AIG1: variants seen among roughly 807,000 people sequenced by gnomAD.
AIG1 encodes the protein androgen-induced gene 1 protein.
AIG1 carries 23 observed loss-of-function variants against 31.4 expected under a neutral mutation model. The ratio of observed to expected loss-of-function variants is 0.73; its 90% CI spans 0.53 to 1.04. AIG1 has a LOEUF of 1.04. Ranked by LOEUF, AIG1 falls within the 50% of genes least tolerant of loss-of-function variation. The pLI is 0.00. For synonymous variants in AIG1, 100 were observed against 110.5 expected, an observed-to-expected ratio of 0.90 and a Z score of 0.60; for missense variants, 274 against 295.0, an observed-to-expected ratio of 0.93 and a Z score of 0.52.
rs1783786591 is a variant in AIG1 at position 143,136,699 on chromosome 6, C to G, written c.142-136C>G. The G allele has an allele frequency of 7.2e-6, 6 of 833,434 alleles. No individual in the cohort carries two copies. In the Admixed American group the frequency reaches 1.9e-4, roughly 26 times the overall value. 51.6% of individuals were successfully genotyped at this position (833,434 alleles called of 1,614,324 possible). A position where few individuals can be genotyped will look rare whatever the true frequency, so the allele number is the denominator to read the frequency against. ...AGTTGTAAATGTCTGTTCTCTATTTCTAGGAGCAGCTCTTTAAAATATGCT... is the reference window on the plus strand; with the variant it reads ...AGTTGTAAATGTCTGTTCTCTATTTGTAGGAGCAGCTCTTTAAAATATGCT... On this transcript the variant is annotated intron_variant, in intron 1 of 5. Coordinates refer to ENST00000357847, the MANE Select transcript of AIG1 (RefSeq NM_016108.4).
At chr6:143,127,180 T>G (rs1010812735) in intron 1 of AIG1, among the ~76,000 whole-genome samples, 2 of 152,178 alleles carry the variant, frequency 1.3e-5, no homozygotes, top group African/African-American at 4.8e-5. Flanking sequence ...CCTTATCATT[T>G]CCCCTTTAAT....
intron 4 of AIG1, among the ~76,000 whole-genome samples, chr6:143,332,506 GA>G (rs1192777145): frequency 2.0e-5 from 3 of 152,018 alleles, no homozygotes; most frequent in African/African-American, 4.8e-5. Flanking sequence ...TGTAAAATAG[GA>G]AAAAAAATGA....
intron 1 of AIG1, among the ~76,000 whole-genome samples, chr6:143,118,498 T>G (rs555093457): frequency 1.3e-5 from 2 of 152,122 alleles, no homozygotes; most frequent in South Asian, 2.1e-4. Context: ...GTGTACATTA[T>G]GTACAGCATG....
chr6:143,269,765 GGCAAAACTGA>G (rs1796379905), intron 3 of AIG1, among the ~76,000 whole-genome samples: 1 of 152,120 alleles, frequency 6.6e-6, no homozygotes, highest in African/African-American at 2.4e-5. Context: ...TGTAAACATC[GGCAAAACTGA>G]TGTATGGTGT....
chr6:143,308,572 G>A (rs932080433), intron 4 of AIG1, among the ~76,000 whole-genome samples: 4 of 152,188 alleles, frequency 2.6e-5, no homozygotes, highest in Non-Finnish European at 4.4e-5. Flanking sequence ...TGGGGGCTTT[G>A]TTATGCTGTC....
chr6:143,151,632 T>C (rs1284109709), intron 2 of AIG1, among the ~76,000 whole-genome samples: 1 of 152,218 alleles, frequency 6.6e-6, no homozygotes, highest in African/African-American at 2.4e-5. Context: ...TCTGTTTTGT[T>C]AGTCTATTTT....
At chr6:143,225,150 C>T (rs1792848156) in intron 3 of AIG1, among the ~76,000 whole-genome samples, 1 of 152,190 alleles carries the variant, frequency 6.6e-6, no homozygotes, top group Non-Finnish European at 1.5e-5. Flanking sequence ...CTGTCTCTGC[C>T]TGTTCAAATC....
At chr6:143,186,972 C>A (rs1032042938) in intron 3 of AIG1, among the ~76,000 whole-genome samples, 4 of 152,268 alleles carry the variant, frequency 2.6e-5, no homozygotes, top group African/African-American at 9.6e-5. Flanking sequence ...ATAAATAAAA[C>A]AAAATTAAAC....
chr6:143,065,194 C>A (rs1211867329), intron 1 of AIG1, among the ~76,000 whole-genome samples: 6 of 152,210 alleles, frequency 3.9e-5, no homozygotes. Flanking sequence ...TTGCCCCAGA[C>A]TTCTTGGCTC....
At chr6:143,260,180 C>T (rs9496545) in intron 3 of AIG1, among the ~76,000 whole-genome samples, 7,495 of 152,078 alleles carry the variant, frequency 0.049, 594 homozygotes, top group African/African-American at 0.17. Flanking sequence ...CCCACCACCA[C>T]GCCTGGTTAA....
chr6:143,187,542 C>T (rs2128592495), intron 3 of AIG1: 1 of 1,535,944 alleles, frequency 6.5e-7, no homozygotes, highest in Non-Finnish European at 8.7e-7. Context: ...ACTGGGTAGG[C>T]CTGTAATATT....
At chr6:143,068,167 C>T (rs551440071) in intron 1 of AIG1, among the ~76,000 whole-genome samples, 3 of 152,338 alleles carry the variant, frequency 2.0e-5, no homozygotes, top group Non-Finnish European at 2.9e-5. Flanking sequence ...GCCATTCCCC[C>T]ATGTCTGGTA....
At chr6:143,319,836 C>CA (rs967391144) in intron 4 of AIG1, among the ~76,000 whole-genome samples, 3 of 151,276 alleles carry the variant, frequency 2.0e-5, no homozygotes, top group African/African-American at 4.9e-5. Flanking sequence ...GATTATATGC[C>CA]AAAAAACAGG....
intron 1 of AIG1, among the ~76,000 whole-genome samples, chr6:143,127,869 G>T (rs1782830388): frequency 6.6e-6 from 1 of 152,024 alleles, no homozygotes; most frequent in Admixed American, 6.6e-5. Context: ...TGTATTTTTA[G>T]TAGAGATGGA....
chr6:143,303,545 G>A (rs567976454), intron 4 of AIG1, among the ~76,000 whole-genome samples: 5 of 152,198 alleles, frequency 3.3e-5, no homozygotes, highest in South Asian at 2.1e-4. Context: ...TAGATATGTG[G>A]CATTATTTCT....
chr6:143,102,007 G>A (rs1260176730), intron 1 of AIG1, among the ~76,000 whole-genome samples: 3 of 152,064 alleles, frequency 2.0e-5, no homozygotes, highest in African/African-American at 2.4e-5. Context: ...AGCAAAGTTT[G>A]GGAAACAGAC....
chr6:143,075,086 C>T (rs1462889665), intron 1 of AIG1, among the ~76,000 whole-genome samples: 1 of 152,160 alleles, frequency 6.6e-6, no homozygotes, highest in Non-Finnish European at 1.5e-5. Context: ...TCAATTTCAT[C>T]TTTCAGCATT....
chr6:143,210,971 T>C (rs899970956), intron 3 of AIG1, among the ~76,000 whole-genome samples: 1 of 152,204 alleles, frequency 6.6e-6, no homozygotes, highest in African/African-American at 2.4e-5. Flanking sequence ...TTCCTCCTAA[T>C]TTTTTAGGGG....
intron 3 of AIG1, among the ~76,000 whole-genome samples, chr6:143,181,718 C>G (rs1245930010): frequency 6.6e-6 from 1 of 151,468 alleles, no homozygotes; most frequent in Admixed American, 6.6e-5. Context: ...GATAGAAAGA[C>G]AAGGAAAACT....
Sources: allele counts gnomAD v4.1 joint callset (sites outside exome capture counted in the v4.1 genomes callset), GRCh38; gene constraint gnomAD v4.1.1; transcripts MANE v1.5; gene names NCBI Gene and HGNC (gene_info 2026-07-23, HGNC 2026-07-21).